Variants in SMAD6 observed in about 807,000 individuals in gnomAD.
The protein encoded by SMAD6 is SMAD family member 6, also known as MAD homolog 6.
In SMAD6, 103 loss-of-function variants were observed where a neutral mutation model predicts 39.4. That is an observed-to-expected ratio of 2.62 (90% CI 2.23 to 3.08). The LOEUF is 3.08. Among genes scored for constraint, SMAD6 ranks in the 30% most tolerant of loss-of-function variants. The pLI is 0.00. For synonymous variants in SMAD6, 445 were observed against 353.3 expected (o/e 1.26, Z -2.91); for missense variants, 1,104 against 742.9 (o/e 1.49, Z -5.65).
intron 3 of SMAD6, among the ~76,000 whole-genome samples, chr15:66,771,616 C>T (rs1243739804): frequency 6.6e-6 from 1 of 152,170 alleles, no homozygotes. Context: ...CCCAAGAGAG[C>T]TAAGGGAGCA....
chr15:66,708,414 C>A (rs1460766125), intron 1 of SMAD6: 1 of 224,900 alleles, frequency 4.4e-6, no homozygotes, highest in African/African-American at 2.2e-5. Flanking sequence ...TGGGGCTCCA[C>A]CAGTCCAGAT....
In SMAD6 at chr15:66,719,719, A is replaced by C. The variant is rs80021977; in HGVS notation, c.952+3221A>C. Among the ~76,000 whole-genome samples, 1,187 of 152,308 alleles carry C rather than the reference A, an allele frequency of 7.8e-3. 11 individuals carry two copies. Among genetic ancestry groups the C allele is most frequent in the African/African-American group, 0.025 (1,043 of 41,552 alleles). On this transcript the variant is annotated intron_variant, in intron 3 of 3. Transcript: ENST00000288840. Reference sequence around the variant, plus strand: ...GATGGGCCTCTTGAGGCTTAGTCCCAGGCCCAGGCAGGCAAGGAGGCATGA... The same window carrying C: ...GATGGGCCTCTTGAGGCTTAGTCCCCGGCCCAGGCAGGCAAGGAGGCATGA...
chr15:66,754,463 T>G (rs933863126), intron 3 of SMAD6, among the ~76,000 whole-genome samples: 1 of 152,180 alleles, frequency 6.6e-6, no homozygotes, highest in Non-Finnish European at 1.5e-5. Context: ...TTACAGCCAG[T>G]GGTACCGGGC....
chr15:66,750,075 T>C (rs1013397015), intron 3 of SMAD6, among the ~76,000 whole-genome samples: 2 of 152,166 alleles, frequency 1.3e-5, no homozygotes, highest in Non-Finnish European at 2.9e-5. Context: ...CCTGTATCGA[T>C]TGCCAGCTTA....
rs1476099931 is a variant in SMAD6 at position 66,703,451 on chromosome 15, C to T, written c.193C>T (p.Pro65Ser). ...CCGCTCCGAAGTCCGCCCGGTAGCC[C>T]CGCGGCGGCCCCGGGACGCAGTGGG... Reference protein sequence around the residue: ...CGRSEVRPVAPRRPRDAVGQR... With the variant: ...CGRSEVRPVASRRPRDAVGQR... Residue 65 changes from proline (P) to serine (S), a missense_variant, in exon 1 of 4, where the codon CCG becomes TCG. Pro to Ser is a moderately conservative substitution (Grantham distance 74). Transcript: ENST00000288840. The T allele has an allele frequency of 1.8e-5, 23 of 1,273,532 alleles. No homozygotes were observed. The highest frequency in any genetic ancestry group is 2.0e-5 in the Non-Finnish European group (20 of 1,006,518). 78.9% of individuals were successfully genotyped at this position (1,273,532 alleles called of 1,614,324 possible).
rs1199495614 is a variant in SMAD6 at position 66,703,516 on chromosome 15, AG to A, written c.263del (p.Gly88AlafsTer37). 6 of 1,222,120 alleles carry A rather than the reference AG, an allele frequency of 4.9e-6. No homozygotes were observed. The highest frequency in any genetic ancestry group is 5.1e-6 in the Non-Finnish European group (5 of 979,186). 75.7% of individuals were successfully genotyped at this position (1,222,120 alleles called of 1,614,324 possible). The stretch of plus-strand genomic sequence containing the variant: ...AGGGCGCGGGGAGGCGCCGGCGCGC[AG>A]GGGGCCCCCCGAGGCCCATGTCGGA... ...AQGAGRRRRA[G>X]GPPRPMSEPG... On this transcript the variant is annotated frameshift_variant, in exon 1 of 4. Transcript: ENST00000288840. LOFTEE classifies it high-confidence loss of function.
At chr15:66,716,369 AG>A (rs201334145) in intron 2 of SMAD6, 51 bp from the exon 3 acceptor site, 5 of 1,312,240 alleles carry the variant, frequency 3.8e-6, no homozygotes, top group Non-Finnish European at 5.5e-6. Context: ...AGAAGAAAAA[AG>A]AGAGCGCTGC....
intron 1 of SMAD6, chr15:66,706,559 GGCGGGCGCATAGCTGGGGCTCA>G (rs2140587346): frequency 6.6e-6 from 1 of 152,452 alleles, no homozygotes; most frequent in Non-Finnish European, 1.5e-5. Context: ...CCCGTAACTG[GGCGGGCGCATAGCTGGGGCTCA>G]GCGGTGCGCG....
chr15:66,722,544 C>T (rs1393974965), intron 3 of SMAD6, among the ~76,000 whole-genome samples: 1 of 152,198 alleles, frequency 6.6e-6, no homozygotes, highest in South Asian at 2.1e-4. Flanking sequence ...AGACTGATAC[C>T]AATTGTGGCC....
intron 3 of SMAD6, among the ~76,000 whole-genome samples, chr15:66,760,917 C>T (rs544789207): frequency 2.6e-5 from 4 of 152,274 alleles, no homozygotes; most frequent in African/African-American, 7.2e-5. Context: ...GAACCCTCCT[C>T]TCGAGGGATC....
intron 3 of SMAD6, among the ~76,000 whole-genome samples, chr15:66,757,612 G>T (rs549607541): frequency 6.6e-6 from 1 of 152,336 alleles, no homozygotes; most frequent in South Asian, 2.1e-4. Context: ...TTGTCCCACA[G>T]TCTCTTGGAG....
intron 3 of SMAD6, among the ~76,000 whole-genome samples, chr15:66,763,579 G>A (rs1229949984): frequency 6.6e-6 from 1 of 152,220 alleles, no homozygotes; most frequent in Non-Finnish European, 1.5e-5. Context: ...TCCACGCGAT[G>A]GCTTCACAGC....
Position 66,703,946 on chromosome 15 carries a change from T to G in SMAD6, c.688T>G (p.Phe230Val). ...APPQLLLGRL[F>V]RWPDLQHAVE... ...GCCGCAGCTGCTGCTCGGCCGCCTC[T>G]TTCGCTGGCCCGACCTGCAGCACGC... Residue 230 changes from phenylalanine (F) to valine (V), a missense_variant, in exon 1 of 4, where the codon TTT (phenylalanine) becomes GTT (valine). Coordinates refer to ENST00000288840, the MANE Select transcript of SMAD6 (RefSeq NM_005585.5). 1.4e-6 allele frequency: 2 copies of G among 1,390,708 alleles called. No homozygotes were observed. The highest frequency in any genetic ancestry group is 9.3e-7 in the Non-Finnish European group (1 of 1,070,334). The allele number at this position is 1,390,708 out of a possible 1,614,324, so 86.1% of individuals were successfully genotyped here.
chr15:66,772,328 T>C (rs1227864706), intron 3 of SMAD6, among the ~76,000 whole-genome samples: 11 of 152,214 alleles, frequency 7.2e-5, no homozygotes. Flanking sequence ...AATTAACATA[T>C]GTTCAGGTAG....
chr15:66,744,569 G>A (rs1028757069), intron 3 of SMAD6, among the ~76,000 whole-genome samples: 6 of 152,254 alleles, frequency 3.9e-5, no homozygotes, highest in African/African-American at 1.4e-4. Flanking sequence ...ACAACAAAAA[G>A]CAGTGTGTTA....
In SMAD6 at chr15:66,703,847, T is replaced by C. The variant is rs2140582051; in HGVS notation, c.589T>C (p.Ser197Pro). Residue 197 changes from serine (S) to proline (P), a missense_variant, in exon 1 of 4, where the codon TCC (serine) becomes CCC (proline). Ser to Pro is a moderately conservative substitution (Grantham distance 74). Coordinates refer to ENST00000288840, the MANE Select transcript of SMAD6 (RefSeq NM_005585.5). ...SLDTLLEAVE[S>P]RGGVPGGCVL... ...GGACACGCTGCTGGAGGCGGTGGAGTCCCGCGGCGGCGTGCCGGGCGGCTG... is the reference window on the plus strand; with the variant it reads ...GGACACGCTGCTGGAGGCGGTGGAGCCCCGCGGCGGCGTGCCGGGCGGCTG... 7.3e-7 allele frequency: 1 copy of C among 1,362,788 alleles called. No individual in the cohort carries two copies. Among genetic ancestry groups the C allele is most frequent in the Non-Finnish European group, 9.6e-7 (1 of 1,046,268 alleles). 84.4% of individuals were successfully genotyped at this position (1,362,788 alleles called of 1,614,324 possible). A position where few individuals can be genotyped will look rare whatever the true frequency, so the allele number is the denominator to read the frequency against.
In SMAD6 at chr15:66,703,993, C is replaced by G. The variant is rs1230767228; in HGVS notation, c.735C>G (p.Cys245Trp). The G allele has an allele frequency of 6.7e-7, 1 of 1,484,994 alleles. No individual in the cohort carries two copies. The highest frequency in any genetic ancestry group is 8.9e-7 in the Non-Finnish European group (1 of 1,125,146). 92.0% of individuals were successfully genotyped at this position (1,484,994 alleles called of 1,614,324 possible). A position where few individuals can be genotyped will look rare whatever the true frequency, so the allele number is the denominator to read the frequency against. The stretch of plus-strand genomic sequence containing the variant: ...ACGCCGTGGAGCTGAAGCCCCTGTG[C>G]GGCTGCCACAGCTTCGCCGCCGCCG... ...LQHAVELKPL[C>W]GCHSFAAAAD... The change falls in exon 1 of 4, where the codon TGC becomes TGG. Residue 245 changes from cysteine to tryptophan, a missense_variant. Transcript: ENST00000288840.
At chr15:66,745,341 C>T (rs1893887985) in intron 3 of SMAD6, among the ~76,000 whole-genome samples, 1 of 152,034 alleles carries the variant, frequency 6.6e-6, no homozygotes, top group South Asian at 2.1e-4. Context: ...GCACCCCCAC[C>T]CCAGCTGGCA....
chr15:66,777,808 C>A (rs1894492325), intron 3 of SMAD6, among the ~76,000 whole-genome samples: 1 of 152,218 alleles, frequency 6.6e-6, no homozygotes, highest in Admixed American at 6.5e-5. Context: ...TGATGTGTAA[C>A]CCAGTCTGTT....
Sources: gnomAD v4.1 joint callset for allele counts (sites outside exome capture counted in the v4.1 genomes callset) on GRCh38, gnomAD v4.1.1 for gene constraint, MANE v1.5 for transcripts, NCBI Gene and HGNC (gene_info 2026-07-23, HGNC 2026-07-21) for gene names.